Variants in SEPTIN14 observed in about 807,000 individuals in gnomAD.
SEPTIN14 encodes septin 14, also known as septin-14.
A neutral mutation model predicts 53.6 loss-of-function variants in SEPTIN14; 40 were observed. That is an observed-to-expected ratio of 0.75 (90% CI 0.58 to 0.97). The LOEUF is 0.97. SEPTIN14 is among the 50% of genes least tolerant of loss of function. The pLI is 0.00. For missense variants in SEPTIN14, 471 were observed against 508.2 expected (o/e 0.93, Z 0.70); for synonymous variants, 138 against 166.8 (o/e 0.83, Z 1.33).
rs546651082 is a variant in SEPTIN14, at chr7:55,817,402, T to A, written c.817+1725A>T. Among the ~76,000 whole-genome samples the A allele has an allele frequency of 2.6e-4, 39 of 151,846 alleles. 1 individual carries two copies. Among genetic ancestry groups the A allele is most frequent in the African/African-American group, 8.9e-4 (37 of 41,452 alleles). ...CAAAGGATACAAAATTTTAGTTAGG[T>A]AAGAACAAGTTAAAGAGATCTATTG... On this transcript the variant is annotated intron_variant, in intron 7 of 9. Transcript: ENST00000388975.
chr7:55,857,868 C>A lies in SEPTIN14; in HGVS notation c.54+4075G>T, dbSNP rs190590128. 3.3e-3 allele frequency among the ~76,000 whole-genome samples: 497 copies of A among 150,992 alleles called. 8 individuals carry two copies. The highest frequency in any genetic ancestry group is 0.012 in the African/African-American group (471 of 40,502). The stretch of plus-strand genomic sequence containing the variant: ...TCCCAAAGTGCTGGGATTACAGGCG[C>A]GAGCCACCGCGCCCGGCCACCTGTG... On this transcript the variant is annotated intron_variant, in intron 2 of 9. Coordinates refer to ENST00000388975, the MANE Select transcript of SEPTIN14 (RefSeq NM_207366.3).
intron 9 of SEPTIN14, chr7:55,797,971 C>G (rs1788458628): frequency 6.4e-6 from 1 of 155,694 alleles, no homozygotes; most frequent in Non-Finnish European, 1.4e-5. Flanking sequence ...CAGGCCCAAG[C>G]CACCTTGGCT....
chr7:55,821,388 A>T (rs1266920248), intron 6 of SEPTIN14, among the ~76,000 whole-genome samples: 1 of 152,172 alleles, frequency 6.6e-6, no homozygotes, highest in Non-Finnish European at 1.5e-5. Flanking sequence ...TTCCACCCAC[A>T]ATTCCAGAAC....
At chr7:55,797,772 C>A (rs916646738) in intron 9 of SEPTIN14, among the ~76,000 whole-genome samples, 9 of 152,258 alleles carry the variant, frequency 5.9e-5, no homozygotes, top group Non-Finnish European at 1.2e-4. Flanking sequence ...AGGTCAAGAC[C>A]AGCCTGGCCA....
chr7:55,817,024 A>G (rs1044566364), intron 7 of SEPTIN14, among the ~76,000 whole-genome samples: 6 of 152,206 alleles, frequency 3.9e-5, no homozygotes, highest in African/African-American at 1.4e-4. Flanking sequence ...ACTACTGGAT[A>G]CATTACCTCC....
chr7:55,830,152 TG>T (rs1789074011), intron 6 of SEPTIN14, among the ~76,000 whole-genome samples: 1 of 144,444 alleles, frequency 6.9e-6, no homozygotes, highest in South Asian at 2.2e-4. Flanking sequence ...CACTCCAGCC[TG>T]GGCGACAGAG....
chr7:55,813,799 C>G (rs1486494709), intron 7 of SEPTIN14, among the ~76,000 whole-genome samples: 6 of 152,184 alleles, frequency 3.9e-5, no homozygotes, highest in African/African-American at 1.4e-4. Flanking sequence ...TACTCTGGGA[C>G]AGAAGGGAAC....
chr7:55,834,937 G>A (rs1789178147), intron 5 of SEPTIN14, among the ~76,000 whole-genome samples: 1 of 152,116 alleles, frequency 6.6e-6, no homozygotes, highest in South Asian at 2.1e-4. Flanking sequence ...GAGCCACTGC[G>A]CCCAGCCATC....
At chr7:55,828,751 T>C (rs1291369223) in intron 6 of SEPTIN14, among the ~76,000 whole-genome samples, 1 of 152,184 alleles carries the variant, frequency 6.6e-6, no homozygotes, top group Non-Finnish European at 1.5e-5. Flanking sequence ...AATTGTCTCT[T>C]GCTTCTTTCA....
At chr7:55,809,778 A>T (rs1788669564) in intron 7 of SEPTIN14, among the ~76,000 whole-genome samples, 1 of 151,614 alleles carries the variant, frequency 6.6e-6, no homozygotes, top group Non-Finnish European at 1.5e-5. Context: ...ATTAAAAAAA[A>T]AAAAAAAAGA....
chr7:55,842,708 C>T (rs950626692), intron 5 of SEPTIN14, among the ~76,000 whole-genome samples: 2 of 151,794 alleles, frequency 1.3e-5, no homozygotes, highest in Non-Finnish European at 2.9e-5. Flanking sequence ...GTCAGGAGAT[C>T]GAGACCATCC....
chr7:55,825,297 T>A (rs1447474312), intron 6 of SEPTIN14, among the ~76,000 whole-genome samples: 1 of 151,978 alleles, frequency 6.6e-6, no homozygotes, highest in East Asian at 1.9e-4. Flanking sequence ...AAATAAAAAA[T>A]TACGGAGAGT....
intron 2 of SEPTIN14, among the ~76,000 whole-genome samples, chr7:55,857,246 C>T (rs1178996226): frequency 1.3e-5 from 2 of 151,086 alleles, no homozygotes; most frequent in African/African-American, 4.9e-5. Flanking sequence ...GTGGCGCATG[C>T]CTGTAATCCC....
At chr7:55,816,271 G>C (rs1584256300) in intron 7 of SEPTIN14, among the ~76,000 whole-genome samples, 5 of 152,092 alleles carry the variant, frequency 3.3e-5, no homozygotes, top group Non-Finnish European at 2.9e-5. Flanking sequence ...GAATGAATAA[G>C]ATCTAGTATT....
intron 7 of SEPTIN14, among the ~76,000 whole-genome samples, chr7:55,813,310 G>C (rs146647035): frequency 7.6e-4 from 115 of 152,240 alleles, no homozygotes; most frequent in African/African-American, 2.6e-3. Context: ...AGATAGATAG[G>C]AACTTAAGTT....
At chr7:55,852,338 A>G (rs932731530) in intron 2 of SEPTIN14, among the ~76,000 whole-genome samples, 1 of 152,142 alleles carries the variant, frequency 6.6e-6, no homozygotes, top group Non-Finnish European at 1.5e-5. Flanking sequence ...ATGAAAACAG[A>G]CATATAGACC....
chr7:55,801,994 G>A (rs1004785008), intron 9 of SEPTIN14, among the ~76,000 whole-genome samples: 1 of 149,518 alleles, frequency 6.7e-6, no homozygotes, highest in African/African-American at 2.5e-5. Flanking sequence ...GGAGAGTATG[G>A]TTTCTTTTTT....
intron 4 of SEPTIN14, among the ~76,000 whole-genome samples, chr7:55,843,366 A>G (rs1789348376): frequency 6.6e-6 from 1 of 152,248 alleles, no homozygotes; most frequent in Non-Finnish European, 1.5e-5. Flanking sequence ...ACAGGGGACT[A>G]GTATCCAGAA....
At position 55,819,238 on chromosome 7, in the gene SEPTIN14, T is replaced by C; in HGVS notation, c.721-15A>G. ...GGTAACAGCCCCTAGAAAACAAGAA[T>C]GACATGAATTGAATTCTCTAGCACC... On this transcript the variant is annotated splice_polypyrimidine_tract_variant and intron_variant, in intron 6 of 9. Coordinates refer to ENST00000388975, the MANE Select transcript of SEPTIN14 (RefSeq NM_207366.3). 4.1e-6 allele frequency: 6 copies of C among 1,459,808 alleles called. No homozygotes were observed. The highest frequency in any genetic ancestry group is 5.6e-6 in the Non-Finnish European group (6 of 1,063,076). 90.4% of individuals were successfully genotyped at this position (1,459,808 alleles called of 1,614,324 possible). A position where few individuals can be genotyped will look rare whatever the true frequency, so the allele number is the denominator to read the frequency against.
Sources: allele counts gnomAD v4.1 joint callset (sites outside exome capture counted in the v4.1 genomes callset), GRCh38; gene constraint gnomAD v4.1.1; transcripts MANE v1.5; gene names NCBI Gene and HGNC (gene_info 2026-07-23, HGNC 2026-07-21).